NRXN1: variants seen among roughly 807,000 people sequenced by gnomAD.
The protein encoded by NRXN1 is neurexin-1.
In NRXN1, 39 loss-of-function variants were observed where a neutral mutation model predicts 150.9. The observed-to-expected ratio is 0.26, with a 90% CI of 0.20 to 0.34. NRXN1 has a LOEUF of 0.34. NRXN1 is among the 10% of genes least tolerant of loss of function. The probability of loss-of-function intolerance (pLI) is 1.00; values close to 1 mark genes in which losing one functional copy is unlikely to be tolerated. For synonymous variants in NRXN1, 924 were observed against 757.0 expected (o/e 1.22, Z -3.62); for missense variants, 1,815 against 1,949.9 (o/e 0.93, Z 1.30).
chr2:50,922,093 G>A (rs1192331847), intron 4 of NRXN1, among the ~76,000 whole-genome samples: 1 of 151,744 alleles, frequency 6.6e-6, no homozygotes, highest in South Asian at 2.1e-4. Context: ...GCAAGTACAT[G>A]CAAAAAACTG....
chr2:49,970,456 C>A (rs1201501196), intron 21 of NRXN1: 1 of 151,906 alleles, frequency 6.6e-6, no homozygotes. Flanking sequence ...TTTAATGTGC[C>A]AAAAGACCCT....
At position 50,354,586 on chromosome 2, in the gene NRXN1, T is replaced by TATATATATATATATAC. The variant is rs1273118975; in HGVS notation, c.3364+110855_3364+110856insGTATATATATATATAT. Among the ~76,000 whole-genome samples the TATATATATATATATAC allele has an allele frequency of 4.6e-3, 578 of 124,432 alleles. 5 individuals are homozygous for TATATATATATATATAC. Among genetic ancestry groups the TATATATATATATATAC allele is most frequent in the Non-Finnish European group, 6.8e-3 (396 of 57,904 alleles). The allele number at this position is 124,432 out of a possible 152,430, so 81.6% of individuals were successfully genotyped here. On this transcript the variant is annotated intron_variant, in intron 17 of 22. Transcript: ENST00000401669. ...ATATATATATATATATATATATATATACACACACACACTAGCTTTTTGCTG... is the reference window on the plus strand; with the variant it reads ...ATATATATATATATATATATATATATATATATATATATATACACACACACACACTAGCTTTTTGCTG...
intron 17 of NRXN1, among the ~76,000 whole-genome samples, chr2:50,302,738 GA>G (rs562692201): frequency 1.3e-5 from 2 of 151,850 alleles, no homozygotes; most frequent in Admixed American, 6.6e-5. Flanking sequence ...CTAGTTTCAA[GA>G]AAAAACACTC....
intron 5 of NRXN1, among the ~76,000 whole-genome samples, chr2:50,751,642 T>G (rs1700608073): frequency 6.6e-6 from 1 of 151,974 alleles, no homozygotes; most frequent in South Asian, 2.1e-4. Context: ...TGCAAGACTG[T>G]GAAAAGGCCT....
intron 5 of NRXN1, among the ~76,000 whole-genome samples, chr2:50,784,397 GGCA>G (rs549489581): frequency 1.3e-5 from 2 of 151,978 alleles, no homozygotes; most frequent in South Asian, 4.2e-4. Flanking sequence ...TGAAGGAGAT[GGCA>G]GTAGAAGCAA....
intron 17 of NRXN1, among the ~76,000 whole-genome samples, chr2:50,290,675 G>A (rs904913590): frequency 1.3e-5 from 2 of 152,148 alleles, no homozygotes; most frequent in Non-Finnish European, 2.9e-5. Flanking sequence ...GGACTGGAGG[G>A]GGCTGTTCTG....
At chr2:50,848,704 G>C (rs1674059721) in intron 5 of NRXN1, among the ~76,000 whole-genome samples, 1 of 152,084 alleles carries the variant, frequency 6.6e-6, no homozygotes, top group African/African-American at 2.4e-5. Context: ...ACCCTAAAAT[G>C]ATTAGGAAGA....
At chr2:50,422,611 G>C (rs1190902354) in intron 17 of NRXN1, among the ~76,000 whole-genome samples, 1 of 152,086 alleles carries the variant, frequency 6.6e-6, no homozygotes, top group Admixed American at 6.6e-5. Context: ...TCTAGATTTT[G>C]TATTGAATAC....
chr2:50,811,509 G>A (rs1406335382), intron 5 of NRXN1, among the ~76,000 whole-genome samples: 2 of 151,956 alleles, frequency 1.3e-5, no homozygotes, highest in Non-Finnish European at 2.9e-5. Flanking sequence ...TTTGTTTTTT[G>A]ATTTTGTTTT....
At chr2:50,773,298 C>G (rs1328643700) in intron 5 of NRXN1, among the ~76,000 whole-genome samples, 1 of 152,142 alleles carries the variant, frequency 6.6e-6, no homozygotes, top group African/African-American at 2.4e-5. Flanking sequence ...CTTTTCAGAT[C>G]AGACATTCTG....
intron 17 of NRXN1, among the ~76,000 whole-genome samples, chr2:50,252,225 A>G (rs1245377947): frequency 3.6e-5 from 2 of 55,306 alleles, no homozygotes; most frequent in East Asian, 4.7e-4. Flanking sequence ...TTTTAAATAC[A>G]TTTTGTCCTT....
chr2:50,526,433 C>T (rs2092954305), intron 12 of NRXN1, among the ~76,000 whole-genome samples: 1 of 152,128 alleles, frequency 6.6e-6, no homozygotes, highest in African/African-American at 2.4e-5. Context: ...AAACCTATGG[C>T]TCACAGAGGA....
At chr2:50,254,546 G>A (rs958343214) in intron 17 of NRXN1, among the ~76,000 whole-genome samples, 7 of 150,978 alleles carry the variant, frequency 4.6e-5, no homozygotes, top group Non-Finnish European at 1.0e-4. Context: ...TTTTATATGA[G>A]TATTTAGTGC....
At chr2:50,219,197 T>A (rs570784179) in intron 18 of NRXN1, among the ~76,000 whole-genome samples, 1 of 152,180 alleles carries the variant, frequency 6.6e-6, no homozygotes, top group South Asian at 2.1e-4. Context: ...TTTCCTGCCA[T>A]CTAAATTACC....
chr2:50,690,693 C>T (rs777436433), intron 5 of NRXN1, among the ~76,000 whole-genome samples: 3 of 152,142 alleles, frequency 2.0e-5, no homozygotes, highest in African/African-American at 4.8e-5. Context: ...CACTCTTATC[C>T]TAAGTGTCAT....
intron 2 of NRXN1, among the ~76,000 whole-genome samples, chr2:50,928,325 T>A (rs1221695603): frequency 4.6e-5 from 7 of 151,934 alleles, no homozygotes; most frequent in Non-Finnish European, 8.8e-5. Flanking sequence ...TTTCCTTGAG[T>A]TTCCATATAC....
At chr2:50,322,335 A>G (rs1436064716) in intron 17 of NRXN1, among the ~76,000 whole-genome samples, 1 of 152,196 alleles carries the variant, frequency 6.6e-6, no homozygotes, top group Non-Finnish European at 1.5e-5. Flanking sequence ...GTGGGGTATG[A>G]GCAAGCTGGT....
At position 50,750,603 on chromosome 2, in the gene NRXN1, A is replaced by C. The variant is rs1700493397; in HGVS notation, c.833-126988T>G. ...GCTGAAAGTATAATAATAATAAAAAAAGAAAACCAAAGAATTCCTTCTGTG... is the reference window on the plus strand; with the variant it reads ...GCTGAAAGTATAATAATAATAAAAACAGAAAACCAAAGAATTCCTTCTGTG... On this transcript the variant is annotated intron_variant, in intron 5 of 22. Coordinates refer to ENST00000401669, the MANE Select transcript of NRXN1 (RefSeq NM_001330078.2). Among the ~76,000 whole-genome samples the C allele has an allele frequency of 2.0e-5, 3 of 152,004 alleles. No individual in the cohort carries two copies. The South Asian group carries it at 6.2e-4, about 32-fold the overall frequency.
chr2:50,960,285 TC>T (rs1692943032), intron 2 of NRXN1, among the ~76,000 whole-genome samples: 1 of 151,796 alleles, frequency 6.6e-6, no homozygotes, highest in East Asian at 1.9e-4. Context: ...AACAACTTTT[TC>T]CCAGCTTTCT....
Sources: gnomAD v4.1 joint callset for allele counts (sites outside exome capture counted in the v4.1 genomes callset) on GRCh38, gnomAD v4.1.1 for gene constraint, MANE v1.5 for transcripts, NCBI Gene and HGNC (gene_info 2026-07-23, HGNC 2026-07-21) for gene names.